The following SMG7 variants were observed in gnomAD, a reference collection of about 807,000 sequenced individuals.
SMG7 encodes SMG7 nonsense mediated mRNA decay factor, also known as nonsense-mediated mRNA decay factor SMG7.
SMG7 carries 34 observed loss-of-function variants against 148.2 expected under a neutral mutation model. That is an observed-to-expected ratio of 0.23 (90% CI 0.17 to 0.31). The LOEUF (loss-of-function observed/expected upper bound fraction) is 0.31. Ranked by LOEUF, SMG7 falls within the 10% of genes least tolerant of loss-of-function variation. The pLI, the probability that SMG7 is intolerant of heterozygous loss-of-function variation, is 1.00. For synonymous variants in SMG7, 492 were observed against 515.1 expected (o/e 0.96, Z 0.61); for missense variants, 1,114 against 1,408.4 (o/e 0.79, Z 3.35).
chr1:183,475,390 T>G (rs1557931217), intron 1 of SMG7, among the ~76,000 whole-genome samples: 1 of 152,202 alleles, frequency 6.6e-6, no homozygotes, highest in Non-Finnish European at 1.5e-5. Context: ...TTTGATAAGG[T>G]GACCATATTT....
At chr1:183,473,461 A>C in intron 1 of SMG7, among the ~76,000 whole-genome samples, 1 of 151,830 alleles carries the variant, frequency 6.6e-6, no homozygotes, top group Admixed American at 6.6e-5. Context: ...GGGCGCGGCG[A>C]TTGATGCACA....
chr1:183,540,877 A>G (rs948928478), intron 12 of SMG7, 107 bp from the exon 13 acceptor site: 11 of 942,888 alleles, frequency 1.2e-5, no homozygotes, highest in Middle Eastern at 2.2e-4. Flanking sequence ...TAGCTAACCT[A>G]TGTGGGAAGT....
intron 1 of SMG7, among the ~76,000 whole-genome samples, chr1:183,493,641 G>A (rs1371956730): frequency 6.6e-6 from 1 of 151,882 alleles, no homozygotes; most frequent in African/African-American, 2.4e-5. Context: ...GAGTGCAGTG[G>A]CGCAATCTCG....
intron 1 of SMG7, chr1:183,508,118 A>G: frequency 1.0e-6 from 1 of 970,068 alleles, no homozygotes; most frequent in Non-Finnish European, 1.2e-6. Flanking sequence ...CTGTATGAGC[A>G]TTGGCTGTAA....
intron 3 of SMG7, 171 bp from the exon 4 acceptor site, chr1:183,517,517 G>T (rs1001583938): frequency 2.9e-6 from 2 of 682,052 alleles, no homozygotes; most frequent in Admixed American, 2.1e-5. Context: ...TGCATGTCTA[G>T]TCTTGTTCAA....
chr1:183,507,915 TC>T (rs1661283698), intron 1 of SMG7, among the ~76,000 whole-genome samples: 1 of 152,226 alleles, frequency 6.6e-6, no homozygotes, highest in African/African-American at 2.4e-5. Context: ...GCTTAATTTT[TC>T]CTATTATTTA....
At chr1:183,502,217 G>C in intron 1 of SMG7, 1 of 1,365,366 alleles carries the variant, frequency 7.3e-7, no homozygotes, top group Non-Finnish European at 9.6e-7. Flanking sequence ...CTGTTATTGT[G>C]GGTTAACTCA....
intron 14 of SMG7, among the ~76,000 whole-genome samples, chr1:183,542,852 T>C (rs937137221): frequency 3.3e-5 from 5 of 152,042 alleles, no homozygotes; most frequent in African/African-American, 9.7e-5. Context: ...TGGGGTCTTC[T>C]GTAGATCCAG....
At chr1:183,494,592 T>C (rs1167586215) in intron 1 of SMG7, among the ~76,000 whole-genome samples, 1 of 150,746 alleles carries the variant, frequency 6.6e-6, no homozygotes, top group Non-Finnish European at 1.5e-5. Flanking sequence ...TCAGCTCTTA[T>C]GTTTCTAAAA....
chr1:183,499,585 G>A (rs1007783700), intron 1 of SMG7, among the ~76,000 whole-genome samples: 1 of 152,042 alleles, frequency 6.6e-6, no homozygotes, highest in Admixed American at 6.6e-5. Flanking sequence ...TTTTTTAATC[G>A]AGTTGCTTGT....
intron 1 of SMG7, among the ~76,000 whole-genome samples, chr1:183,485,099 T>C (rs1167562235): frequency 6.6e-6 from 1 of 152,200 alleles, no homozygotes; most frequent in Non-Finnish European, 1.5e-5. Flanking sequence ...GAATAGTAGA[T>C]GTATACTATT....
chr1:183,547,184 T>C lies in SMG7; in HGVS notation c.2824T>C (p.Ser942Pro). ...GGAGGAAGAGGAAGAGCTGATTTTT[T>C]CTAACCCTCCTGATCTTTACCCGGC... Reference protein sequence around the residue: ...ALEEEEELIFSNPPDLYPALL... With the variant: ...ALEEEEELIFPNPPDLYPALL... The change falls in exon 18 of 23, where the codon TCT becomes CCT. Residue 942 changes from serine (S) to proline (P), a missense_variant. Physicochemically the swap from Ser to Pro is moderately conservative, Grantham distance 74. This residue lies in a region of SMG7 where 788 missense variants were observed against 894.5 expected (regional missense o/e 0.88). Coordinates refer to ENST00000688051, the MANE Select transcript of SMG7 (RefSeq NM_001375584.1). 3.2e-6 allele frequency: 5 copies of C among 1,550,484 alleles called. No homozygotes were observed. The highest frequency in any genetic ancestry group is 4.4e-6 in the Non-Finnish European group (5 of 1,146,932).
intron 12 of SMG7, among the ~76,000 whole-genome samples, chr1:183,539,395 T>G (rs1275563916): frequency 6.6e-6 from 1 of 152,212 alleles, no homozygotes; most frequent in Non-Finnish European, 1.5e-5. Flanking sequence ...TCACTATTTC[T>G]TTTAAACTAC....
At chr1:183,472,685 C>A in intron 1 of SMG7, 36 bp downstream of exon 1, 1 of 1,449,914 alleles carries the variant, frequency 6.9e-7, no homozygotes, top group Non-Finnish European at 9.2e-7. Flanking sequence ...GTAGGGGGAG[C>A]GGGCCGCAGG....
chr1:183,482,573 G>A (rs1654431780), intron 1 of SMG7, among the ~76,000 whole-genome samples: 1 of 152,066 alleles, frequency 6.6e-6, no homozygotes, highest in Non-Finnish European at 1.5e-5. Context: ...AAAAGTAGGT[G>A]GTCAGAAAAT....
In SMG7 at chr1:183,546,340, G is replaced by A; in HGVS notation, c.2742+3G>A. The A allele has an allele frequency of 1.2e-6, 2 of 1,603,970 alleles. No individual in the cohort carries two copies. The highest frequency in any genetic ancestry group is 1.1e-5 in the South Asian group (1 of 90,340). On this transcript the variant is annotated splice_donor_region_variant and intron_variant, in intron 17 of 22. Transcript: ENST00000688051. Reference sequence around the variant, plus strand: ...CTGTACCCAGAATGCCGTTTGAGGTGTGTGTTCTTTCCTATCACCAGGCAA... The same window carrying A: ...CTGTACCCAGAATGCCGTTTGAGGTATGTGTTCTTTCCTATCACCAGGCAA...
chr1:183,494,621 C>A (rs1051527858), intron 1 of SMG7, among the ~76,000 whole-genome samples: 6 of 149,810 alleles, frequency 4.0e-5, no homozygotes, highest in Non-Finnish European at 8.9e-5. Context: ...GTATTTTTTT[C>A]ACCTTTGGTT....
chr1:183,544,563 A>G, intron 15 of SMG7, 66 bp downstream of exon 15: 1 of 1,531,576 alleles, frequency 6.5e-7, no homozygotes, highest in Non-Finnish European at 9.0e-7. Context: ...TCAGTCACTG[A>G]GAAATGTGTT....
chr1:183,474,791 C>T (rs778151939), intron 1 of SMG7, among the ~76,000 whole-genome samples: 2 of 152,174 alleles, frequency 1.3e-5, no homozygotes, highest in African/African-American at 2.4e-5. Context: ...ACAGAGCTTA[C>T]ACTTTGTTAG....
Sources: allele counts gnomAD v4.1 joint callset (sites outside exome capture counted in the v4.1 genomes callset), GRCh38; gene constraint gnomAD v4.1.1; regional missense constraint gnomAD v4.1.1; transcripts MANE v1.5; gene names NCBI Gene and HGNC (gene_info 2026-07-23, HGNC 2026-07-21).